The following PPP2R5A variants were observed in gnomAD, a reference collection of about 807,000 sequenced individuals.
PPP2R5A encodes the protein protein phosphatase 2 regulatory subunit B'alpha.
Under a neutral mutation model 64.2 loss-of-function variants are expected in PPP2R5A, and 25 were observed. The ratio of observed to expected loss-of-function variants is 0.39; its 90% CI spans 0.28 to 0.54. The LOEUF (loss-of-function observed/expected upper bound fraction) is 0.54. Among genes scored for constraint, PPP2R5A ranks in the 20% least tolerant of loss-of-function variants. The probability of loss-of-function intolerance (pLI) is 0.67; values close to 1 mark genes in which losing one functional copy is unlikely to be tolerated. For synonymous variants in PPP2R5A, 198 were observed against 201.2 expected, an observed-to-expected ratio of 0.98 and a Z score of 0.13; for missense variants, 425 against 576.3, an observed-to-expected ratio of 0.74 and a Z score of 2.69.
intron 1 of PPP2R5A, among the ~76,000 whole-genome samples, chr1:212,322,061 GCCTGCAATCGCAGGCA>G (rs1659309317): frequency 6.7e-6 from 1 of 150,316 alleles, no homozygotes; most frequent in Admixed American, 6.6e-5. Context: ...GGCGGCGCGC[GCCTGCAATCGCAGGCA>G]CTCGGCAGGC....
intron 1 of PPP2R5A, among the ~76,000 whole-genome samples, chr1:212,303,794 C>A (rs1188453917): frequency 6.6e-6 from 1 of 152,118 alleles, no homozygotes; most frequent in African/African-American, 2.4e-5. Context: ...GTTGAAAATA[C>A]TTCTTTCCCC....
chr1:212,300,878 A>T (rs375165671), intron 1 of PPP2R5A, among the ~76,000 whole-genome samples: 1 of 151,980 alleles, frequency 6.6e-6, no homozygotes, highest in Non-Finnish European at 1.5e-5. Context: ...CGTTTTAAAA[A>T]ATATATATAA....
At position 212,307,869 on chromosome 1, in the gene PPP2R5A, C is replaced by T. The variant is rs541137521; in HGVS notation, c.182-21266C>T. Among the ~76,000 whole-genome samples the T allele has an allele frequency of 7.2e-5, 11 of 152,186 alleles. No individual in the cohort carries two copies. In the East Asian group the frequency reaches 1.5e-3, roughly 21 times the overall value. ...AAAGATTTAAATACTTCTCGAGATA[C>T]GGTCTCGCTCTAGTGCCCAGGCTGG... On this transcript the variant is annotated intron_variant, in intron 1 of 12. Transcript: ENST00000261461.
At position 212,286,112 on chromosome 1, in the gene PPP2R5A, T is replaced by TGTC. The variant is rs572979647; in HGVS notation, c.13_15dup (p.Ser5dup). 0.011 allele frequency: 17,899 copies of TGTC among 1,567,174 alleles called. 127 individuals are homozygous for TGTC. The highest frequency in any genetic ancestry group is 0.018 in the Middle Eastern group (98 of 5,454). ...CTGCCAAGCGTCAGGGCCGCGGAGA[T>TGTC]GTCGTCGTCGTCGCCGCCGGCGGGG... is the stretch of plus-strand genomic sequence containing the variant. On this transcript the variant is annotated inframe_insertion, in exon 1 of 13. Coordinates refer to ENST00000261461, the MANE Select transcript of PPP2R5A (RefSeq NM_006243.4).
At chr1:212,351,585 G>A (rs892637971) in intron 8 of PPP2R5A, among the ~76,000 whole-genome samples, 26 of 152,134 alleles carry the variant, frequency 1.7e-4, no homozygotes, top group Middle Eastern at 6.8e-3. Context: ...GTGATGGCGG[G>A]CACCTGTAAT....
intron 1 of PPP2R5A, among the ~76,000 whole-genome samples, chr1:212,305,173 A>G (rs906761461): frequency 6.7e-6 from 1 of 149,710 alleles, no homozygotes. Flanking sequence ...AGAAGCTGGG[A>G]CTATAGGCGC....
intron 3 of PPP2R5A, among the ~76,000 whole-genome samples, chr1:212,337,703 T>C (rs974196753): frequency 1.3e-5 from 2 of 152,138 alleles, no homozygotes; most frequent in African/African-American, 4.8e-5. Flanking sequence ...TATTATCTTT[T>C]TAGTTCTTAT....
At chr1:212,314,496 A>G (rs1659106637) in intron 1 of PPP2R5A, among the ~76,000 whole-genome samples, 2 of 151,792 alleles carry the variant, frequency 1.3e-5, no homozygotes, top group Admixed American at 1.3e-4. Context: ...CTCTGGCCTC[A>G]AGCAGTCCTC....
chr1:212,294,597 T>G (rs1280318106), intron 1 of PPP2R5A, among the ~76,000 whole-genome samples: 2 of 152,242 alleles, frequency 1.3e-5, no homozygotes, highest in Non-Finnish European at 2.9e-5. Flanking sequence ...TCTTTGGTTT[T>G]CCATAGTGCA....
At chr1:212,350,658 A>G (rs531035967) in intron 8 of PPP2R5A, among the ~76,000 whole-genome samples, 12 of 152,016 alleles carry the variant, frequency 7.9e-5, no homozygotes, top group African/African-American at 2.9e-4. Flanking sequence ...TGTCTTCAAA[A>G]AAAAAAAGAA....
chr1:212,296,661 CTA>C (rs112589676), intron 1 of PPP2R5A, among the ~76,000 whole-genome samples: 6 of 152,130 alleles, frequency 3.9e-5, no homozygotes, highest in African/African-American at 1.2e-4. Context: ...TGTCTTTAGA[CTA>C]TAAGTGCTTT....
chr1:212,329,289 T>G lies in PPP2R5A; in HGVS notation c.336T>G (p.Arg112=). 6.2e-7 allele frequency: 1 copy of G among 1,607,818 alleles called. No homozygotes were observed. Residue 112 remains arginine, a synonymous_variant, in exon 2 of 13, where the codon CGT becomes CGG. Coordinates refer to ENST00000261461, the MANE Select transcript of PPP2R5A (RefSeq NM_006243.4). ...TGGTTGAGTATGTTTCAACTAATCG[T>G]GGTGTAATTGTTGAATCAGCGTATT... ...NELVEYVSTN[R]GVIVESAYSD...
intron 11 of PPP2R5A, 45 bp from the exon 12 acceptor site, chr1:212,358,641 C>CTG: frequency 7.2e-7 from 1 of 1,382,784 alleles, no homozygotes; most frequent in Non-Finnish European, 1.0e-6. Context: ...CATTTCCTCT[C>CTG]TGTTAGCAGT....
intron 1 of PPP2R5A, among the ~76,000 whole-genome samples, chr1:212,328,754 A>C (rs1659449865): frequency 6.6e-6 from 1 of 152,160 alleles, no homozygotes. Flanking sequence ...AGCGGGAATG[A>C]CAAGAATAGA....
chr1:212,340,151 T>A (rs887037583), intron 3 of PPP2R5A, among the ~76,000 whole-genome samples: 1 of 152,010 alleles, frequency 6.6e-6, no homozygotes, highest in South Asian at 2.1e-4. Context: ...ATATATATAT[T>A]TTTAAATCAA....
Position 212,354,471 on chromosome 1 carries a change from G to A in PPP2R5A, c.928-2155G>A, listed in dbSNP as rs113393723. 1.8e-3 allele frequency among the ~76,000 whole-genome samples: 274 copies of A among 152,048 alleles called. 3 individuals carry two copies. Among genetic ancestry groups the A allele is most frequent in the African/African-American group, 6.3e-3 (263 of 41,472 alleles). Reference sequence around the variant, plus strand: ...AGGTAGGAGGATTGGTTGAAGCCAGGACTTTAAGACCAGCCTGGGCAACAG... The same window carrying A: ...AGGTAGGAGGATTGGTTGAAGCCAGAACTTTAAGACCAGCCTGGGCAACAG... On this transcript the variant is annotated intron_variant, in intron 8 of 12. Coordinates refer to ENST00000261461, the MANE Select transcript of PPP2R5A (RefSeq NM_006243.4).
intron 8 of PPP2R5A, among the ~76,000 whole-genome samples, chr1:212,350,618 C>T (rs1053781220): frequency 1.3e-5 from 2 of 151,202 alleles, no homozygotes; most frequent in Admixed American, 1.3e-4. Flanking sequence ...CATACCAGTG[C>T]ACTCCAGCCT....
intron 1 of PPP2R5A, among the ~76,000 whole-genome samples, chr1:212,301,650 A>T (rs1658801308): frequency 6.6e-6 from 1 of 152,194 alleles, no homozygotes; most frequent in Non-Finnish European, 1.5e-5. Flanking sequence ...TGCTCTCTAA[A>T]GTTTCAAATA....
chr1:212,295,171 T>C (rs1658669668), intron 1 of PPP2R5A, among the ~76,000 whole-genome samples: 1 of 152,110 alleles, frequency 6.6e-6, no homozygotes, highest in South Asian at 2.1e-4. Flanking sequence ...TATTGGGAAA[T>C]CAGAGTGAGT....
Sources: gnomAD v4.1 joint callset for allele counts (sites outside exome capture counted in the v4.1 genomes callset) on GRCh38, gnomAD v4.1.1 for gene constraint, MANE v1.5 for transcripts, NCBI Gene and HGNC (gene_info 2026-07-23, HGNC 2026-07-21) for gene names.